KANK4: variants seen among roughly 807,000 people sequenced by gnomAD.
The protein encoded by KANK4 is KN motif and ankyrin repeat domain-containing protein 4.
A neutral mutation model predicts 80.8 loss-of-function variants in KANK4; 50 were observed. The observed-to-expected ratio is 0.62, with a 90% CI of 0.49 to 0.78. KANK4 has a LOEUF of 0.78. Ranked by LOEUF, KANK4 falls within the 30% of genes least tolerant of loss-of-function variation. The pLI is 0.00. For synonymous variants in KANK4, 465 were observed against 506.9 expected, an observed-to-expected ratio of 0.92 and a Z score of 1.11; for missense variants, 1,196 against 1,240.1, an observed-to-expected ratio of 0.96 and a Z score of 0.53.
intron 1 of KANK4, among the ~76,000 whole-genome samples, chr1:62,300,734 C>T (rs10493320): frequency 0.23 from 34,696 of 151,820 alleles, 4,320 homozygotes; most frequent in Middle Eastern, 0.35. Context: ...AGGAACAAGA[C>T]GAAAGCTGGG....
intron 9 of KANK4, among the ~76,000 whole-genome samples, chr1:62,246,652 C>T (rs2457812): frequency 0.36 from 55,005 of 151,864 alleles, 10,641 homozygotes; most frequent in East Asian, 0.82. Context: ...GGCTGGAGTG[C>T]AGTGGCCTGA....
intron 7 of KANK4, 47 bp from the exon 8 acceptor site, chr1:62,253,256 A>G: frequency 6.4e-7 from 1 of 1,558,498 alleles, no homozygotes; most frequent in Non-Finnish European, 8.6e-7. Context: ...AGGGGCCAGG[A>G]GCCAGACTCC....
chr1:62,273,754 C>T lies in KANK4; in HGVS notation c.1350G>A (p.Glu450=), dbSNP rs756661067. ...MESESWGHRG[E]ENGLLWGPDG... ...CTGGCCCCCATAGGAGGCCATTCTCCTCTCCTCGGTGCCCCCAGCTTTCAG... is the reference window on the plus strand; with the variant it reads ...CTGGCCCCCATAGGAGGCCATTCTCTTCTCCTCGGTGCCCCCAGCTTTCAG... Residue 450 remains glutamate (E), a synonymous_variant, in exon 3 of 10, where the codon GAG becomes GAA. Transcript: ENST00000371153. 6.2e-7 allele frequency: 1 copy of T among 1,614,142 alleles called. No individual in the cohort carries two copies.
rs763026814 is a variant in KANK4, at chr1:62,275,063, T to C, written c.41A>G (p.Asp14Gly). The C allele has an allele frequency of 6.2e-7, 1 of 1,611,216 alleles. No homozygotes were observed. The highest frequency in any genetic ancestry group is 8.5e-7 in the Non-Finnish European group (1 of 1,178,662). Residue 14 changes from aspartate (D) to glycine (G), a missense_variant, in exon 3 of 10, where the codon GAT (aspartate) becomes GGT (glycine). Transcript: ENST00000371153. The part of the protein sequence containing the change: ...TDAKDQSSQG[D>G]EEKDPPKSHP... ...GCTCTTCGGAGGGTCTTTCTCTTCATCCCCCTGAGAGGACTGGTCTTTGGC... is the reference window on the plus strand; with the variant it reads ...GCTCTTCGGAGGGTCTTTCTCTTCACCCCCCTGAGAGGACTGGTCTTTGGC...
At chr1:62,247,951 T>C (rs1342358835) in intron 8 of KANK4, among the ~76,000 whole-genome samples, 1 of 152,132 alleles carries the variant, frequency 6.6e-6, no homozygotes, top group Non-Finnish European at 1.5e-5. Context: ...AACTTCTCTT[T>C]CTCACGGATT....
At chr1:62,269,787 T>TA (rs1672116107) in intron 4 of KANK4, among the ~76,000 whole-genome samples, 1 of 151,726 alleles carries the variant, frequency 6.6e-6, no homozygotes, top group African/African-American at 2.4e-5. Flanking sequence ...TGAATAAAAT[T>TA]TAAAAAAAAA....
rs769203170 is a variant in KANK4, at chr1:62,273,264, A to G, written c.1840T>C (p.Tyr614His). The stretch of plus-strand genomic sequence containing the variant: ...TTGGGTGGGTGAGCCTGGGCCGAGT[A>G]GGCCGACAGCAGCAGGTTGAGGGAG... ...LSSLNLLLSAYSAQAHPPKEP... is the reference protein window; with the variant it reads ...LSSLNLLLSAHSAQAHPPKEP... The change falls in exon 3 of 10, where the codon TAC (tyrosine) becomes CAC (histidine). Residue 614 changes from tyrosine (Y) to histidine (H), a missense_variant. By Grantham distance (83) the Tyr-to-His change is moderately conservative (BLOSUM62 2). Coordinates refer to ENST00000371153, the MANE Select transcript of KANK4 (RefSeq NM_181712.5). 2.6e-6 allele frequency: 4 copies of G among 1,554,144 alleles called. No homozygotes were observed. Among genetic ancestry groups the G allele is most frequent in the Admixed American group, 3.9e-5 (2 of 51,046 alleles).
At chr1:62,287,663 A>G (rs1033096115) in intron 1 of KANK4, among the ~76,000 whole-genome samples, 8 of 152,200 alleles carry the variant, frequency 5.3e-5, no homozygotes, top group Admixed American at 2.6e-4. Context: ...TGGGTCATCC[A>G]AGAGCAGAGT....
chr1:62,311,782 T>C (rs1374478722), intron 1 of KANK4, among the ~76,000 whole-genome samples: 2 of 152,232 alleles, frequency 1.3e-5, no homozygotes, highest in African/African-American at 4.8e-5. Context: ...CGTGTGTGCC[T>C]GCAATTTGTA....
At chr1:62,300,826 A>G (rs577776413) in intron 1 of KANK4, among the ~76,000 whole-genome samples, 2 of 152,228 alleles carry the variant, frequency 1.3e-5, no homozygotes, top group East Asian at 3.9e-4. Flanking sequence ...AAATATTTAC[A>G]GAATGAACAA....
At chr1:62,309,158 T>TG (rs1281165565) in intron 1 of KANK4, among the ~76,000 whole-genome samples, 3 of 152,220 alleles carry the variant, frequency 2.0e-5, no homozygotes, top group Non-Finnish European at 2.9e-5. Context: ...TGGGTTCTGG[T>TG]GGGGTCCCTC....
chr1:62,263,291 G>A lies in KANK4; in HGVS notation c.2340C>T (p.Ile780=). 1 of 1,613,116 alleles carries A rather than the reference G, an allele frequency of 6.2e-7. No individual in the cohort carries two copies. The change falls in exon 7 of 10, where the codon ATC becomes ATT. Residue 780 remains isoleucine, a synonymous_variant. Coordinates refer to ENST00000371153, the MANE Select transcript of KANK4 (RefSeq NM_181712.5). ...TGGAGACGCGGAACCACTCTTGACT[G>A]ATGGTGTTCAAGCTTTGCCTCTGAA... is the stretch of plus-strand genomic sequence containing the variant. ...DQLLRQSLNT[I]SQEWFRVSSR... is the part of the protein sequence containing the mutation.
chr1:62,241,259 C>T (rs116648986), intron 9 of KANK4, among the ~76,000 whole-genome samples: 2,978 of 152,080 alleles, frequency 0.02, 79 homozygotes, highest in African/African-American at 0.068. Flanking sequence ...AAGCACTAAA[C>T]GAGTCAGAAG....
intron 9 of KANK4, among the ~76,000 whole-genome samples, chr1:62,246,514 C>T (rs995057415): frequency 6.6e-6 from 1 of 152,290 alleles, no homozygotes; most frequent in Admixed American, 6.5e-5. Context: ...AATATTCACC[C>T]AGGATGGTGT....
At chr1:62,271,444 G>T in intron 4 of KANK4, 34 bp downstream of exon 4, 1 of 1,407,866 alleles carries the variant, frequency 7.1e-7, no homozygotes, top group Non-Finnish European at 1.0e-6. Context: ...GAGGTAGCAA[G>T]AAAGGCAGTC....
At chr1:62,253,413 T>TC (rs1319614402) in intron 7 of KANK4, among the ~76,000 whole-genome samples, 12 of 141,346 alleles carry the variant, frequency 8.5e-5, no homozygotes, top group Middle Eastern at 3.3e-3. Flanking sequence ...TTCTTTCTTT[T>TC]TTTTTTTTTT....
intron 1 of KANK4, among the ~76,000 whole-genome samples, chr1:62,284,198 A>G (rs1214535002): frequency 1.3e-5 from 2 of 152,152 alleles, no homozygotes; most frequent in Admixed American, 1.3e-4. Flanking sequence ...GTTTCCTTCC[A>G]GTGGGCAATG....
At chr1:62,284,442 G>A (rs373941752) in intron 1 of KANK4, among the ~76,000 whole-genome samples, 10 of 152,034 alleles carry the variant, frequency 6.6e-5, no homozygotes, top group Admixed American at 1.3e-4. Flanking sequence ...TCAGCCTCCC[G>A]AGTAGCTGGG....
At chr1:62,299,806 G>A (rs79306000) in intron 1 of KANK4, among the ~76,000 whole-genome samples, 1,769 of 151,524 alleles carry the variant, frequency 0.012, 30 homozygotes, top group African/African-American at 0.041. Flanking sequence ...TTTTGGAGTG[G>A]GAGAGAGATG....
Sources: gnomAD v4.1 joint callset for allele counts (sites outside exome capture counted in the v4.1 genomes callset) on GRCh38, gnomAD v4.1.1 for gene constraint, MANE v1.5 for transcripts, NCBI Gene and HGNC (gene_info 2026-07-23, HGNC 2026-07-21) for gene names.